Variants in UTP25 observed in about 807,000 individuals in gnomAD.
The protein encoded by UTP25 is UTP25 small subunit processome component.
In UTP25, 50 loss-of-function variants were observed where a neutral mutation model predicts 78.9. The observed-to-expected ratio is 0.63, with a 90% confidence interval of 0.50 to 0.80. UTP25 has a LOEUF of 0.80. UTP25 is among the 30% of genes least tolerant of loss of function. UTP25 has a pLI of 0.00. For missense variants in UTP25, 846 were observed against 911.3 expected (o/e 0.93, Z 0.92); for synonymous variants, 329 against 336.5 (o/e 0.98, Z 0.24).
At chr1:209,845,557 C>T (rs763420944) in intron 11 of UTP25, among the ~76,000 whole-genome samples, 1 of 152,196 alleles carries the variant, frequency 6.6e-6, no homozygotes, top group African/African-American at 2.4e-5. Context: ...GGACAGTCTC[C>T]TGTATTACAC....
chr1:209,833,107 G>A, intron 3 of UTP25, 78 bp from the exon 4 acceptor site: 2 of 1,370,218 alleles, frequency 1.5e-6, no homozygotes, highest in Admixed American at 2.2e-5. Flanking sequence ...TGTTGGTATA[G>A]CCTAAGGAAA....
intron 7 of UTP25, among the ~76,000 whole-genome samples, chr1:209,840,567 T>G (rs866347760): frequency 6.6e-6 from 1 of 152,046 alleles, no homozygotes; most frequent in African/African-American, 2.4e-5. Flanking sequence ...CGGATTGCAG[T>G]GGAGTGAGAA....
intron 7 of UTP25, among the ~76,000 whole-genome samples, chr1:209,839,501 G>C (rs749334693): frequency 1.1e-4 from 17 of 152,196 alleles, no homozygotes; most frequent in Admixed American, 7.9e-4. Context: ...TGGGGAGGCT[G>C]AATAAAATGA....
rs1215759754 is a variant in UTP25, at chr1:209,837,001, A to T, written c.852A>T (p.Leu284Phe). 6.2e-7 allele frequency: 1 copy of T among 1,614,030 alleles called. No homozygotes were observed. The highest frequency in any genetic ancestry group is 8.5e-7 in the Non-Finnish European group (1 of 1,180,016). Residue 284 changes from leucine (L) to phenylalanine (F), a missense_variant, in exon 6 of 12, where the codon TTA becomes TTT. Coordinates refer to ENST00000491415, the MANE Select transcript of UTP25 (RefSeq NM_014388.7). ...PFTPLQKELF[L>F]IMNSYRDLFY... ...CCCCCCTCCAGAAAGAACTCTTCTTAATTATGAATTCTTACCGGGACCTGT... is the reference window on the plus strand; with the variant it reads ...CCCCCCTCCAGAAAGAACTCTTCTTTATTATGAATTCTTACCGGGACCTGT...
In UTP25 at chr1:209,839,136, T is replaced by A. The variant is rs1287755654; in HGVS notation, c.1282+8T>A. 1 of 1,596,308 alleles carries A rather than the reference T, an allele frequency of 6.3e-7. No homozygotes were observed. The highest frequency in any genetic ancestry group is 2.2e-5 in the East Asian group (1 of 44,554). On this transcript the variant is annotated splice_region_variant and intron_variant, in intron 7 of 11. Coordinates refer to ENST00000491415, the MANE Select transcript of UTP25 (RefSeq NM_014388.7). ...ATGACCACTTCAGGATTGGTAATTC[T>A]TCCTTATCAACTTTGAGACCTAAAG...
chr1:209,839,216 G>A, intron 7 of UTP25, 88 bp downstream of exon 7: 2 of 1,235,892 alleles, frequency 1.6e-6, no homozygotes, highest in Non-Finnish European at 2.3e-6. Flanking sequence ...TTTTCCCAGT[G>A]GATCACTCAC....
chr1:209,838,498 A>G (rs966950623), intron 6 of UTP25, among the ~76,000 whole-genome samples: 1 of 152,116 alleles, frequency 6.6e-6, no homozygotes, highest in Non-Finnish European at 1.5e-5. Flanking sequence ...TTTATTCGAC[A>G]TGTATTTATT....
At chr1:209,842,916 A>G (rs1053079419) in intron 10 of UTP25, 2 of 551,906 alleles carry the variant, frequency 3.6e-6, no homozygotes, top group African/African-American at 3.8e-5. Context: ...CAGGGTTATT[A>G]CTATAAATCA....
Position 209,831,056 on chromosome 1 carries a change from A to G in UTP25, c.388+13A>G, listed in dbSNP as rs750420938. The stretch of plus-strand genomic sequence containing the variant: ...GAAAGTCCAGAGAGTAAGTGTCTTT[A>G]CTATAGGCTCATCATCTTTGCCAGA... On this transcript the variant is annotated intron_variant, in intron 3 of 11. Coordinates refer to ENST00000491415, the MANE Select transcript of UTP25 (RefSeq NM_014388.7). 3.7e-6 allele frequency: 6 copies of G among 1,613,788 alleles called. No homozygotes were observed. In the South Asian group the frequency reaches 6.6e-5, roughly 18 times the overall value.
In UTP25 at chr1:209,842,432, C is replaced by T. The variant is rs1275630149; in HGVS notation, c.1653C>T (p.Val551=). ...QINSVFNKYC[V]NMQGQVAVRN... ...ACTCAGTGTTCAACAAGTACTGTGT[C>T]AACATGCAAGGCCAGGTGGGTTCTC... is the stretch of plus-strand genomic sequence containing the variant. Residue 551 remains valine (V), a synonymous_variant, in exon 9 of 12, where the codon GTC becomes GTT. Transcript: ENST00000491415. The T allele has an allele frequency of 1.2e-6, 2 of 1,614,114 alleles. No individual in the cohort carries two copies. The highest frequency in any genetic ancestry group is 1.7e-6 in the Non-Finnish European group (2 of 1,179,986).
In UTP25 at chr1:209,855,258, A is replaced by G. The variant is rs1167254745; in HGVS notation, c.*3811A>G. On this transcript the variant is annotated 3_prime_UTR_variant, in exon 12 of 12. Transcript: ENST00000491415. ...ATGTCCTGTGTCTAAAGCTAAACAC[A>G]TGTTCCTGTCTACTTTTGCTTTGTT... 1.3e-5 allele frequency: 2 copies of G among 152,210 alleles called. No homozygotes were observed. The highest frequency in any genetic ancestry group is 4.8e-5 in the African/African-American group (2 of 41,452). 9.4% of individuals were successfully genotyped at this position (152,210 alleles called of 1,614,324 possible).
At position 209,843,473 on chromosome 1, in the gene UTP25, A is replaced by G; in HGVS notation, c.1804A>G (p.Ile602Val). 1 of 1,613,936 alleles carries G rather than the reference A, an allele frequency of 6.2e-7. No individual in the cohort carries two copies. The highest frequency in any genetic ancestry group is 1.3e-5 in the African/African-American group (1 of 74,990). Residue 602 changes from isoleucine to valine, a missense_variant, in exon 11 of 12, where the codon ATT (isoleucine) becomes GTT (valine). Physicochemically the swap from Ile to Val is conservative, Grantham distance 29. Transcript: ENST00000491415. ...DARFNFFVNK[I>V]LPQYRDAVMS... ...CAGGTTTAACTTTTTTGTGAACAAG[A>G]TTTTGCCACAGTATCGTGATGCAGT...
Position 209,828,146 on chromosome 1 carries a change from G to A in UTP25, c.83G>A (p.Gly28Asp). 3 of 1,614,136 alleles carry A rather than the reference G, an allele frequency of 1.9e-6. No individual in the cohort carries two copies. The highest frequency in any genetic ancestry group is 2.5e-6 in the Non-Finnish European group (3 of 1,179,994). The part of the protein sequence containing the change: ...KKQKKHLRDF[G>D]EEHPFYDRVS... ...CAGAAGAAACATCTTCGAGATTTCGGCGAGGAGCATCCCTTCTATGACAGG... is the reference window on the plus strand; with the variant it reads ...CAGAAGAAACATCTTCGAGATTTCGACGAGGAGCATCCCTTCTATGACAGG... Residue 28 changes from glycine (G) to aspartate (D), a missense_variant, in exon 1 of 12, where the codon GGC (glycine) becomes GAC (aspartate). Coordinates refer to ENST00000491415, the MANE Select transcript of UTP25 (RefSeq NM_014388.7).
intron 3 of UTP25, 108 bp downstream of exon 3, chr1:209,831,151 C>A: frequency 1.7e-6 from 2 of 1,153,004 alleles, no homozygotes; most frequent in Non-Finnish European, 2.5e-6. Flanking sequence ...GGACATGAAT[C>A]CAAAATAGGG....
chr1:209,841,437 T>C (rs73093853), intron 8 of UTP25, among the ~76,000 whole-genome samples: 26,928 of 152,224 alleles, frequency 0.18, 2,556 homozygotes, highest in South Asian at 0.22. Flanking sequence ...TTGCTTATGC[T>C]GTTTTGTTTG....
intron 1 of UTP25, 145 bp downstream of exon 1, chr1:209,828,315 T>G: frequency 7.8e-6 from 5 of 639,986 alleles, no homozygotes; most frequent in Non-Finnish European, 8.0e-6. Flanking sequence ...TCTGGCGCCA[T>G]CCCGCCGGGA....
chr1:209,846,622 CAT>C (rs915348377), intron 11 of UTP25, among the ~76,000 whole-genome samples: 7 of 152,118 alleles, frequency 4.6e-5, no homozygotes, highest in African/African-American at 1.7e-4. Flanking sequence ...GTGAAATAGA[CAT>C]GTGGAAGGTA....
At chr1:209,828,527 C>T (rs1316597299) in intron 1 of UTP25, among the ~76,000 whole-genome samples, 2 of 150,630 alleles carry the variant, frequency 1.3e-5, no homozygotes, top group Non-Finnish European at 3.0e-5. Context: ...CTCAGCCTCC[C>T]GTGTAGCTGG....
At chr1:209,838,828 G>T in intron 6 of UTP25, 81 bp from the exon 7 acceptor site, 2 of 1,480,016 alleles carry the variant, frequency 1.4e-6, no homozygotes, top group East Asian at 2.3e-5. Context: ...GAGCTTTTTA[G>T]CTCCACTTCC....
Sources: gnomAD v4.1 joint callset for allele counts (sites outside exome capture counted in the v4.1 genomes callset) on GRCh38, gnomAD v4.1.1 for gene constraint, MANE v1.5 for transcripts, NCBI Gene and HGNC (gene_info 2026-07-23, HGNC 2026-07-21) for gene names.